Variants in CAMKMT observed in about 807,000 individuals in gnomAD.
CAMKMT encodes calmodulin-lysine N-methyltransferase, also known as CaM KMT.
A neutral mutation model predicts 48.0 loss-of-function variants in CAMKMT; 53 were observed. The ratio of observed to expected loss-of-function variants is 1.10; its 90% confidence interval spans 0.89 to 1.39. The LOEUF (loss-of-function observed/expected upper bound fraction) is 1.39, where lower values mean the gene tolerates loss of function less well. Ranked by LOEUF, CAMKMT falls within the 40% of genes most tolerant of loss-of-function variation. The probability of loss-of-function intolerance (pLI) is 0.00; values close to 1 mark genes in which losing one functional copy is unlikely to be tolerated. For missense variants in CAMKMT, 428 were observed against 402.7 expected (o/e 1.06, Z -0.54); for synonymous variants, 165 against 152.3 (o/e 1.08, Z -0.61).
chr2:44,402,327 T>TA (rs61683632), intron 3 of CAMKMT, among the ~76,000 whole-genome samples: 4,281 of 116,400 alleles, frequency 0.037, 152 homozygotes, highest in African/African-American at 0.098. Context: ...AGACTCTGTC[T>TA]AAAAAAAAAA....
chr2:44,495,389 C>T (rs950776558), intron 3 of CAMKMT, among the ~76,000 whole-genome samples: 2 of 152,262 alleles, frequency 1.3e-5, no homozygotes, highest in Non-Finnish European at 2.9e-5. Context: ...AGCAATCCTC[C>T]TGCCTTGGTC....
chr2:44,756,087 C>G (rs1335926358), intron 9 of CAMKMT, among the ~76,000 whole-genome samples: 1 of 152,226 alleles, frequency 6.6e-6, no homozygotes, highest in Non-Finnish European at 1.5e-5. Flanking sequence ...ACCCAGGAAC[C>G]TCATCCCCAT....
intron 3 of CAMKMT, among the ~76,000 whole-genome samples, chr2:44,414,430 C>A (rs1353901007): frequency 2.0e-5 from 3 of 152,098 alleles, no homozygotes. Context: ...CGGGGTCACT[C>A]ACATGGTTGT....
chr2:44,572,701 A>T (rs1377189404), intron 3 of CAMKMT, among the ~76,000 whole-genome samples: 1 of 150,002 alleles, frequency 6.7e-6, no homozygotes, highest in African/African-American at 2.5e-5. Context: ...TCTTATGAGT[A>T]ATGCTGCTGT....
intron 3 of CAMKMT, among the ~76,000 whole-genome samples, chr2:44,486,644 A>T (rs1031943180): frequency 6.6e-6 from 1 of 152,230 alleles, no homozygotes; most frequent in African/African-American, 2.4e-5. Context: ...ATGTTGTTAA[A>T]GGAACTTTAG....
At chr2:44,625,297 T>G (rs1409351787) in intron 3 of CAMKMT, among the ~76,000 whole-genome samples, 1 of 152,200 alleles carries the variant, frequency 6.6e-6, no homozygotes, top group Non-Finnish European at 1.5e-5. Flanking sequence ...ATATATTTTT[T>G]GGGACATGTT....
chr2:44,462,706 G>A (rs561204009), intron 3 of CAMKMT, among the ~76,000 whole-genome samples: 3 of 152,032 alleles, frequency 2.0e-5, no homozygotes, highest in African/African-American at 7.2e-5. Context: ...CATTGCTTAG[G>A]GAGTATCTGT....
chr2:44,629,776 C>T (rs1156886815), intron 3 of CAMKMT, among the ~76,000 whole-genome samples: 1 of 152,142 alleles, frequency 6.6e-6, no homozygotes, highest in Non-Finnish European at 1.5e-5. Context: ...ACATTCTATG[C>T]TCACGGGTAG....
chr2:44,368,086 TC>T (rs1678797853), intron 1 of CAMKMT, among the ~76,000 whole-genome samples: 1 of 152,238 alleles, frequency 6.6e-6, no homozygotes. Flanking sequence ...GTCTTTTTTT[TC>T]TTCTTCTGAT....
intron 2 of CAMKMT, among the ~76,000 whole-genome samples, chr2:44,387,784 G>A (rs1486490226): frequency 6.6e-6 from 1 of 152,056 alleles, no homozygotes; most frequent in Non-Finnish European, 1.5e-5. Flanking sequence ...CATATATGAT[G>A]CCTACTTATA....
At chr2:44,382,401 T>A (rs538902468) in intron 2 of CAMKMT, among the ~76,000 whole-genome samples, 2 of 152,280 alleles carry the variant, frequency 1.3e-5, no homozygotes, top group African/African-American at 2.4e-5. Context: ...TTGGTGACTT[T>A]GTTTTTTCAG....
chr2:44,475,004 G>A (rs1238611850), intron 3 of CAMKMT, among the ~76,000 whole-genome samples: 3 of 152,130 alleles, frequency 2.0e-5, no homozygotes, highest in African/African-American at 4.8e-5. Flanking sequence ...GATGAAACTC[G>A]AGAATGTATT....
At chr2:44,689,333 C>T (rs183116775) in intron 3 of CAMKMT, among the ~76,000 whole-genome samples, 1 of 150,424 alleles carries the variant, frequency 6.6e-6, no homozygotes, top group African/African-American at 2.5e-5. Flanking sequence ...GAGTCTCGCT[C>T]TGTTGCCCAG....
chr2:44,362,078 G>C lies in CAMKMT; in HGVS notation c.71G>C (p.Gly24Ala), dbSNP rs774496506. ...ARAAGGSPAV[G>A]CTTRGPVVSA... The stretch of plus-strand genomic sequence containing the variant: ...GCAGCGGGCGGGAGTCCGGCAGTTG[G>C]CTGCACCACTCGGGGGCCCGTAGTC... The change falls in exon 1 of 11, where the codon GGC becomes GCC. Residue 24 changes from glycine to alanine, a missense_variant. Gly to Ala is a moderately conservative substitution (Grantham distance 60). Transcript: ENST00000378494. The C allele has an allele frequency of 3.4e-6, 5 of 1,454,762 alleles. No individual in the cohort carries two copies. The highest frequency in any genetic ancestry group is 4.5e-6 in the Non-Finnish European group (5 of 1,113,438). 90.1% of individuals were successfully genotyped at this position (1,454,762 alleles called of 1,614,324 possible).
At chr2:44,596,990 G>A (rs79094077) in intron 3 of CAMKMT, among the ~76,000 whole-genome samples, 4,216 of 152,210 alleles carry the variant, frequency 0.028, 187 homozygotes, top group African/African-American at 0.096. Context: ...GATCTTAGCT[G>A]TTAAATTTTG....
Position 44,405,848 on chromosome 2 carries a change from A to G in CAMKMT, c.376+15543A>G, listed in dbSNP as rs189638354. Among the ~76,000 whole-genome samples the G allele has an allele frequency of 1.3e-3, 198 of 152,310 alleles. 1 individual carries two copies. The highest frequency in any genetic ancestry group is 4.7e-3 in the African/African-American group (196 of 41,582). On this transcript the variant is annotated intron_variant, in intron 3 of 10. Transcript: ENST00000378494. ...GAAATGTATATTCAACTCTGATTCT[A>G]TTCCCAAACTTCTAACAGAAATTGC...
chr2:44,637,936 G>A (rs538235692), intron 3 of CAMKMT, among the ~76,000 whole-genome samples: 11 of 151,814 alleles, frequency 7.2e-5, no homozygotes, highest in Admixed American at 6.6e-4. Context: ...ATGGTGGCAC[G>A]TGCCTGTAGT....
At chr2:44,432,839 AAC>A (rs1019564593) in intron 3 of CAMKMT, among the ~76,000 whole-genome samples, 7 of 152,120 alleles carry the variant, frequency 4.6e-5, no homozygotes, top group South Asian at 4.1e-4. Flanking sequence ...AAAAAAAAAA[AAC>A]ATATGCTTTC....
chr2:44,560,908 T>C (rs1558703678), intron 3 of CAMKMT, among the ~76,000 whole-genome samples: 1 of 152,230 alleles, frequency 6.6e-6, no homozygotes, highest in Non-Finnish European at 1.5e-5. Flanking sequence ...GCTGTTTTCC[T>C]ACTATCTTAC....
Sources: allele counts gnomAD v4.1 joint callset (sites outside exome capture counted in the v4.1 genomes callset), GRCh38; gene constraint gnomAD v4.1.1; transcripts MANE v1.5; gene names NCBI Gene and HGNC (gene_info 2026-07-23, HGNC 2026-07-21).